The following CHST11 variants were observed in gnomAD, a reference collection of about 807,000 sequenced individuals.
CHST11 encodes the protein C4S-1.
A neutral mutation model predicts 30.4 loss-of-function variants in CHST11; 9 were observed. The observed-to-expected ratio is 0.30, with a 90% CI of 0.18 to 0.52. The LOEUF is 0.52. Ranked by LOEUF, CHST11 falls within the 20% of genes least tolerant of loss-of-function variation. The pLI is 0.97. For synonymous variants in CHST11, 152 were observed against 187.8 expected (o/e 0.81, Z 1.56); for missense variants, 348 against 460.6 (o/e 0.76, Z 2.24).
intron 2 of CHST11, among the ~76,000 whole-genome samples, chr12:104,623,587 A>C (rs1465727072): frequency 6.6e-6 from 1 of 152,050 alleles, no homozygotes; most frequent in African/African-American, 2.4e-5. Context: ...GCACATGCCT[A>C]TAATCCCAGC....
At chr12:104,697,923 G>A (rs2039960814) in intron 2 of CHST11, among the ~76,000 whole-genome samples, 1 of 152,166 alleles carries the variant, frequency 6.6e-6, no homozygotes, top group South Asian at 2.1e-4. Context: ...TTTTGACCAA[G>A]TCTTGACTTT....
chr12:104,580,221 A>G (rs7315708), intron 1 of CHST11, among the ~76,000 whole-genome samples: 26,624 of 152,162 alleles, frequency 0.17, 3,587 homozygotes, highest in African/African-American at 0.38. Context: ...AAGAAGGAAG[A>G]TTTCAGGCTT....
chr12:104,575,092 C>T (rs2038670208), intron 1 of CHST11, among the ~76,000 whole-genome samples: 3 of 151,802 alleles, frequency 2.0e-5, no homozygotes, highest in Admixed American at 2.0e-4. Context: ...ACTCAGGAGG[C>T]TGAGGCACAA....
chr12:104,493,710 A>G (rs1052387163), intron 1 of CHST11, among the ~76,000 whole-genome samples: 7 of 152,220 alleles, frequency 4.6e-5, no homozygotes, highest in Admixed American at 3.3e-4. Flanking sequence ...CGGAAAGACA[A>G]GAGAGACTTG....
chr12:104,536,844 A>G (rs1006952180), intron 1 of CHST11, among the ~76,000 whole-genome samples: 1 of 152,130 alleles, frequency 6.6e-6, no homozygotes, highest in African/African-American at 2.4e-5. Context: ...TCATCTTTCT[A>G]TTCCTCCAGG....
At chr12:104,537,834 C>A (rs753218139) in intron 1 of CHST11, among the ~76,000 whole-genome samples, 5 of 151,626 alleles carry the variant, frequency 3.3e-5, no homozygotes, top group Non-Finnish European at 7.4e-5. Context: ...TGACCGGGAC[C>A]ACAGGTGCGT....
At chr12:104,538,811 T>C (rs1266629470) in intron 1 of CHST11, among the ~76,000 whole-genome samples, 4 of 152,210 alleles carry the variant, frequency 2.6e-5, no homozygotes, top group Non-Finnish European at 5.9e-5. Context: ...TATCTTTATT[T>C]TGAGAAGTGT....
intron 1 of CHST11, among the ~76,000 whole-genome samples, chr12:104,544,769 T>TCCCCCCCCGCGCC (rs199741884): frequency 1.9e-5 from 1 of 51,478 alleles, no homozygotes; most frequent in South Asian, 1.5e-3. Context: ...GGGGTCACAG[T>TCCCCCCCCGCGCC]CCCCCCACCC....
At chr12:104,493,863 AC>A (rs773477809) in intron 1 of CHST11, among the ~76,000 whole-genome samples, 89 of 152,290 alleles carry the variant, frequency 5.8e-4, no homozygotes, top group Admixed American at 1.0e-3. Context: ...TTGCTCTGTC[AC>A]CCAGGCTGAA....
At chr12:104,657,580 A>G (rs927222322) in intron 2 of CHST11, among the ~76,000 whole-genome samples, 14 of 152,064 alleles carry the variant, frequency 9.2e-5, no homozygotes, top group African/African-American at 3.4e-4. Context: ...TTTTCTCTGA[A>G]GAGCATGGGA....
intron 1 of CHST11, among the ~76,000 whole-genome samples, chr12:104,519,071 G>GGTGTGTGTGTGTGTGT (rs10628757): frequency 0.01 from 1,399 of 139,590 alleles, 16 homozygotes; most frequent in African/African-American, 0.027. Context: ...GGACTCTTGA[G>GGTGTGTGTGTGTGTGT]GTGTGTGTGT....
At chr12:104,748,541 G>A (rs895157386) in intron 2 of CHST11, among the ~76,000 whole-genome samples, 3 of 151,854 alleles carry the variant, frequency 2.0e-5, no homozygotes, top group African/African-American at 7.3e-5. Flanking sequence ...CCCGGTGGGG[G>A]CTGGAGGGGG....
intron 1 of CHST11, among the ~76,000 whole-genome samples, chr12:104,578,018 G>A (rs1017180246): frequency 7.2e-5 from 11 of 152,162 alleles, no homozygotes; most frequent in African/African-American, 2.2e-4. Flanking sequence ...AGCCTGTTCA[G>A]GGCTGGAGCA....
intron 2 of CHST11, among the ~76,000 whole-genome samples, chr12:104,728,828 G>A (rs968664041): frequency 6.6e-6 from 1 of 152,202 alleles, no homozygotes; most frequent in Non-Finnish European, 1.5e-5. Flanking sequence ...ACTGAGAAAG[G>A]CAGACATGAG....
intron 2 of CHST11, among the ~76,000 whole-genome samples, chr12:104,736,143 C>G (rs1041190348): frequency 6.6e-6 from 1 of 152,110 alleles, no homozygotes; most frequent in African/African-American, 2.4e-5. Context: ...CAATGTCCAA[C>G]GGGAAGGTGA....
chr12:104,692,202 G>A (rs1301155081), intron 2 of CHST11, among the ~76,000 whole-genome samples: 1 of 152,190 alleles, frequency 6.6e-6, no homozygotes, highest in Non-Finnish European at 1.5e-5. Context: ...GCGAACCTCG[G>A]TCCGCAGTCC....
At chr12:104,709,413 C>A (rs2040065160) in intron 2 of CHST11, among the ~76,000 whole-genome samples, 1 of 152,188 alleles carries the variant, frequency 6.6e-6, no homozygotes, top group South Asian at 2.1e-4. Flanking sequence ...AGGCTGTCGT[C>A]CGGTAGAGGG....
intron 1 of CHST11, among the ~76,000 whole-genome samples, chr12:104,492,771 C>T (rs147468114): frequency 1.5e-3 from 229 of 152,264 alleles, no homozygotes; most frequent in Non-Finnish European, 2.4e-3. Context: ...CGGTGGCTCA[C>T]GCCTGTAATC....
Position 104,642,654 on chromosome 12 carries a change from C to T in CHST11, c.204+40663C>T, listed in dbSNP as rs374023802. Among the ~76,000 whole-genome samples, 29 of 152,122 alleles carry T rather than the reference C, an allele frequency of 1.9e-4. No homozygotes were observed. In the South Asian group the frequency reaches 3.5e-3, roughly 19 times the overall value. ...GGCCCAAGCGATCCTCCTGCCTCAG[C>T]GTTCACAAGTGTTAGTATTACAGCT... On this transcript the variant is annotated intron_variant, in intron 2 of 2. Transcript: ENST00000303694.
Sources: gnomAD v4.1 joint callset for allele counts (sites outside exome capture counted in the v4.1 genomes callset) on GRCh38, gnomAD v4.1.1 for gene constraint, MANE v1.5 for transcripts, NCBI Gene and HGNC (gene_info 2026-07-23, HGNC 2026-07-21) for gene names.